The following TRPC4 variants were observed in gnomAD, a reference collection of about 807,000 sequenced individuals.
TRPC4 encodes transient receptor potential cation channel subfamily C member 4.
A neutral mutation model predicts 99.4 loss-of-function variants in TRPC4; 49 were observed. That is an observed-to-expected ratio of 0.49 (90% CI 0.39 to 0.63). TRPC4 has a LOEUF of 0.63. TRPC4 is among the 20% of genes least tolerant of loss of function. TRPC4 has a pLI of 0.00. For missense variants in TRPC4, 898 were observed against 1,152.9 expected (o/e 0.78, Z 3.20); for synonymous variants, 454 against 425.9 (o/e 1.07, Z -0.81).
At chr13:37,679,845 CTGCACTG>C (rs1333436655) in intron 4 of TRPC4, among the ~76,000 whole-genome samples, 1 of 152,146 alleles carries the variant, frequency 6.6e-6, no homozygotes, top group Non-Finnish European at 1.5e-5. Context: ...GATATGATGC[CTGCACTG>C]CATTTTAGAG....
At chr13:37,786,912 G>A (rs1956984413) in intron 1 of TRPC4, among the ~76,000 whole-genome samples, 1 of 151,802 alleles carries the variant, frequency 6.6e-6, no homozygotes, top group Non-Finnish European at 1.5e-5. Flanking sequence ...AATGTGTTGA[G>A]GATTAAAAAG....
At chr13:37,660,156 G>A (rs1488486144) in intron 6 of TRPC4, among the ~76,000 whole-genome samples, 1 of 152,124 alleles carries the variant, frequency 6.6e-6, no homozygotes, top group Admixed American at 6.5e-5. Flanking sequence ...TTTAAAAGCA[G>A]TAATGAAAAT....
At chr13:37,689,681 G>T (rs1332569456) in intron 4 of TRPC4, among the ~76,000 whole-genome samples, 1 of 152,184 alleles carries the variant, frequency 6.6e-6, no homozygotes, top group Non-Finnish European at 1.5e-5. Context: ...GTTGGGTCTA[G>T]TTTCTTCCAG....
At chr13:37,764,133 A>G (rs764492692) in intron 2 of TRPC4, among the ~76,000 whole-genome samples, 75 of 151,738 alleles carry the variant, frequency 4.9e-4, no homozygotes, top group Non-Finnish European at 9.9e-4. Context: ...AGTATGAACA[A>G]GGCCCAGTGG....
chr13:37,763,231 G>A (rs1452814575), intron 2 of TRPC4, among the ~76,000 whole-genome samples: 2 of 151,506 alleles, frequency 1.3e-5, no homozygotes, highest in African/African-American at 2.4e-5. Context: ...AGATGAGGAA[G>A]GACCAGTAAA....
At chr13:37,749,576 A>G (rs936888721) in intron 2 of TRPC4, among the ~76,000 whole-genome samples, 4 of 152,118 alleles carry the variant, frequency 2.6e-5, no homozygotes, top group Non-Finnish European at 4.4e-5. Context: ...CATGAAGACA[A>G]TAAAAACAGA....
intron 3 of TRPC4, among the ~76,000 whole-genome samples, chr13:37,745,566 A>G (rs1305041596): frequency 7.0e-6 from 1 of 142,848 alleles, no homozygotes; most frequent in Non-Finnish European, 1.5e-5. Context: ...AATTTCAAAT[A>G]TTAAATCCAT....
chr13:37,642,722 G>A (rs973610023), intron 8 of TRPC4, among the ~76,000 whole-genome samples: 2 of 137,428 alleles, frequency 1.5e-5, no homozygotes, highest in African/African-American at 2.7e-5. Flanking sequence ...ATGGAAATAT[G>A]ATTCTTTCTT....
chr13:37,737,321 G>C (rs939740589), intron 3 of TRPC4, among the ~76,000 whole-genome samples: 1 of 151,826 alleles, frequency 6.6e-6, no homozygotes, highest in Non-Finnish European at 1.5e-5. Flanking sequence ...TTCTGTACTT[G>C]CATTATTACA....
intron 3 of TRPC4, among the ~76,000 whole-genome samples, chr13:37,701,743 G>A (rs765299030): frequency 7.9e-5 from 12 of 152,012 alleles, no homozygotes; most frequent in Non-Finnish European, 1.5e-4. Context: ...AACTCAAACT[G>A]CAACCCAAAG....
chr13:37,707,453 T>C (rs1047383583), intron 3 of TRPC4, among the ~76,000 whole-genome samples: 1 of 152,152 alleles, frequency 6.6e-6, no homozygotes, highest in African/African-American at 2.4e-5. Flanking sequence ...TCTAAAAGGC[T>C]TTCAATAATT....
At position 37,699,493 on chromosome 13, in the gene TRPC4, T is replaced by C. The variant is rs140061566; in HGVS notation, c.898-7158A>G. On this transcript the variant is annotated intron_variant, in intron 3 of 10. Coordinates refer to ENST00000379705, the MANE Select transcript of TRPC4 (RefSeq NM_016179.4). ...ATAACTAGTTGCCCAATTAAGTTTT[T>C]CAGCCTTGTTAAAAGGCAAAAAATC... 4.9e-3 allele frequency among the ~76,000 whole-genome samples: 742 copies of C among 152,320 alleles called. 6 individuals are homozygous for C. Among genetic ancestry groups the C allele is most frequent in the African/African-American group, 0.017 (715 of 41,574 alleles).
chr13:37,646,415 C>A (rs1206837536), intron 8 of TRPC4, among the ~76,000 whole-genome samples: 2 of 151,988 alleles, frequency 1.3e-5, no homozygotes, highest in African/African-American at 4.8e-5. Context: ...ATTTAGAAAC[C>A]TAGTCTGTGA....
chr13:37,740,061 A>C (rs1273077820), intron 3 of TRPC4, among the ~76,000 whole-genome samples: 1 of 152,138 alleles, frequency 6.6e-6, no homozygotes, highest in Non-Finnish European at 1.5e-5. Flanking sequence ...ACCAAAATCC[A>C]CTGGATCTAA....
intron 3 of TRPC4, 51 bp from the exon 4 acceptor site, chr13:37,692,386 G>A: frequency 1.4e-6 from 2 of 1,469,918 alleles, no homozygotes; most frequent in African/African-American, 1.4e-5. Flanking sequence ...TACATGGAGT[G>A]GCCTCAATTC....
intron 1 of TRPC4, among the ~76,000 whole-genome samples, chr13:37,815,028 CT>C (rs1957808795): frequency 6.6e-6 from 1 of 151,520 alleles, no homozygotes. Flanking sequence ...AACCCTTATG[CT>C]TATGATCAGT....
intron 3 of TRPC4, among the ~76,000 whole-genome samples, chr13:37,744,468 C>T (rs530632173): frequency 5.6e-4 from 85 of 152,234 alleles, no homozygotes; most frequent in African/African-American, 2.0e-3. Context: ...GGAATGGACA[C>T]AAAAGAAGCT....
At chr13:37,736,214 C>T (rs1045879264) in intron 3 of TRPC4, among the ~76,000 whole-genome samples, 2 of 152,038 alleles carry the variant, frequency 1.3e-5, no homozygotes, top group Non-Finnish European at 2.9e-5. Context: ...AAGGTTTGGT[C>T]CCTAGGAGGG....
intron 1 of TRPC4, among the ~76,000 whole-genome samples, chr13:37,791,455 A>G (rs953442279): frequency 2.0e-5 from 3 of 151,858 alleles, no homozygotes; most frequent in African/African-American, 7.3e-5. Context: ...TTAAATAGTC[A>G]AGAGATTTTT....
Sources: allele counts gnomAD v4.1 joint callset (sites outside exome capture counted in the v4.1 genomes callset), GRCh38; gene constraint gnomAD v4.1.1; transcripts MANE v1.5; gene names NCBI Gene and HGNC (gene_info 2026-07-23, HGNC 2026-07-21).